FBXL17: variants seen among roughly 807,000 people sequenced by gnomAD.
FBXL17 encodes F-box and leucine rich repeat protein 17, also known as F-box/LRR-repeat protein 17.
FBXL17 carries 22 observed loss-of-function variants against 66.2 expected under a neutral mutation model. That is an observed-to-expected ratio of 0.33 (90% CI 0.24 to 0.47). The LOEUF (loss-of-function observed/expected upper bound fraction) is 0.47. FBXL17 is among the 20% of genes least tolerant of loss of function. FBXL17 has a pLI of 1.00. For missense variants in FBXL17, 878 were observed against 948.2 expected, an observed-to-expected ratio of 0.93 and a Z score of 0.97; for synonymous variants, 474 against 400.5, an observed-to-expected ratio of 1.18 and a Z score of -2.19.
At chr5:108,280,432 G>A (rs138062481) in intron 4 of FBXL17, among the ~76,000 whole-genome samples, 34 of 152,068 alleles carry the variant, frequency 2.2e-4, no homozygotes, top group African/African-American at 6.0e-4. Context: ...CTATTAGACT[G>A]GTTTTACAAG....
rs537008327 is a variant in FBXL17, at chr5:108,223,869, T to C, written c.1614+252A>G. On this transcript the variant is annotated intron_variant, in intron 5 of 8. Transcript: ENST00000542267. ...ATTAACATTTAAATGATTCTTTTCA[T>C]ATATATTTCTTTGATATATATTTCA... Among the ~76,000 whole-genome samples, 10 of 152,322 alleles carry C rather than the reference T, an allele frequency of 6.6e-5. No individual in the cohort carries two copies. In the South Asian group the frequency reaches 2.1e-3, roughly 32 times the overall value.
Position 108,216,457 on chromosome 5 carries a change from TATTTC to T in FBXL17, c.1614+7659_1614+7663del, listed in dbSNP as rs560011580. On this transcript the variant is annotated intron_variant, in intron 5 of 8. Coordinates refer to ENST00000542267, the MANE Select transcript of FBXL17 (RefSeq NM_001163315.3). The stretch of plus-strand genomic sequence containing the variant: ...ATAATGTAAATGAAAGGTTTTCCTT[TATTTC>T]ATTTGCAGATTATTCATTGCCAGCA... Among the ~76,000 whole-genome samples, 374 of 152,320 alleles carry T rather than the reference TATTTC, an allele frequency of 2.5e-3. 1 individual carries two copies. Among genetic ancestry groups the T allele is most frequent in the African/African-American group, 8.4e-3 (349 of 41,576 alleles).
intron 7 of FBXL17, among the ~76,000 whole-genome samples, chr5:107,959,483 C>T (rs1271527727): frequency 2.0e-5 from 3 of 151,754 alleles, no homozygotes; most frequent in Non-Finnish European, 2.9e-5. Flanking sequence ...CCCCACCTGC[C>T]TTCGCCTGGT....
chr5:108,381,032 G>C lies in FBXL17; in HGVS notation c.660C>G (p.Cys220Trp). The change falls in exon 1 of 9, where the codon TGC becomes TGG. Residue 220 changes from cysteine (C) to tryptophan (W), a missense_variant. Physicochemically the swap from Cys to Trp is radical, Grantham distance 215. Coordinates refer to ENST00000542267, the MANE Select transcript of FBXL17 (RefSeq NM_001163315.3). Reference sequence around the variant, plus strand: ...CGCCACCGCCGCCGCCGCCGCCGCCGCAGCCCCCGCCGCCGCAGCGGGGCT... The same window carrying C: ...CGCCACCGCCGCCGCCGCCGCCGCCCCAGCCCCCGCCGCCGCAGCGGGGCT... ...CKQPRCGGGG[C>W]GGGGGGGGGG... 1 of 1,191,210 alleles carries C rather than the reference G, an allele frequency of 8.4e-7. No individual in the cohort carries two copies. Among genetic ancestry groups the C allele is most frequent in the Non-Finnish European group, 1.0e-6 (1 of 962,484 alleles). 73.8% of individuals were successfully genotyped at this position (1,191,210 alleles called of 1,614,324 possible).
chr5:108,343,720 C>T (rs1747055595), intron 4 of FBXL17, among the ~76,000 whole-genome samples: 1 of 152,014 alleles, frequency 6.6e-6, no homozygotes, highest in Non-Finnish European at 1.5e-5. Context: ...ACATGGCTAC[C>T]AATTTTTTCA....
In FBXL17 at chr5:108,262,058, A is replaced by T. The variant is rs34662628; in HGVS notation, c.1507-37830T>A. On this transcript the variant is annotated intron_variant, in intron 4 of 8. Transcript: ENST00000542267. ...GAGAATACAAAGTGATACATATTTTATTTATTTATTTATTTATTTATTTAT... is the reference window on the plus strand; with the variant it reads ...GAGAATACAAAGTGATACATATTTTTTTTATTTATTTATTTATTTATTTAT... Among the ~76,000 whole-genome samples the T allele has an allele frequency of 6.7e-3, 710 of 105,286 alleles. 13 individuals carry two copies. The highest frequency in any genetic ancestry group is 0.011 in the South Asian group (30 of 2,844). 69.1% of individuals were successfully genotyped at this position (105,286 alleles called of 152,430 possible). A position where few individuals can be genotyped will look rare whatever the true frequency, so the allele number is the denominator to read the frequency against.
chr5:108,164,316 T>C (rs975113020), intron 6 of FBXL17, among the ~76,000 whole-genome samples: 1 of 152,166 alleles, frequency 6.6e-6, no homozygotes, highest in Non-Finnish European at 1.5e-5. Context: ...AAAAAACAAG[T>C]AGAACAAACT....
At chr5:108,121,625 C>T (rs1580470783) in intron 6 of FBXL17, among the ~76,000 whole-genome samples, 1 of 151,910 alleles carries the variant, frequency 6.6e-6, no homozygotes, top group South Asian at 2.1e-4. Context: ...GGCACGGTCT[C>T]GGCTCACTGC....
chr5:107,901,181 T>C (rs968037921), intron 7 of FBXL17, among the ~76,000 whole-genome samples: 1 of 152,158 alleles, frequency 6.6e-6, no homozygotes, highest in African/African-American at 2.4e-5. Flanking sequence ...TTATTTGGTA[T>C]TGTGGAAAAG....
intron 6 of FBXL17, among the ~76,000 whole-genome samples, chr5:108,143,734 A>G (rs997097866): frequency 1.1e-4 from 8 of 75,904 alleles, no homozygotes; most frequent in South Asian, 4.8e-4. Flanking sequence ...GGGAAAAAAA[A>G]AAAAAAAAAA....
intron 4 of FBXL17, among the ~76,000 whole-genome samples, chr5:108,321,382 C>T (rs1282077358): frequency 6.6e-6 from 1 of 151,788 alleles, no homozygotes; most frequent in African/African-American, 2.4e-5. Context: ...TTTCCAAGTA[C>T]TGACCAAATC....
intron 7 of FBXL17, among the ~76,000 whole-genome samples, chr5:107,914,946 A>G (rs889383004): frequency 6.6e-6 from 1 of 152,174 alleles, no homozygotes; most frequent in Non-Finnish European, 1.5e-5. Context: ...TGCTGTTTTT[A>G]CTAATTGCAA....
At chr5:107,966,801 A>T (rs962760150) in intron 7 of FBXL17, among the ~76,000 whole-genome samples, 1 of 152,136 alleles carries the variant, frequency 6.6e-6, no homozygotes, top group Non-Finnish European at 1.5e-5. Context: ...CCCCATCATT[A>T]TGAACATTTT....
At chr5:108,114,503 AGTT>A (rs1400260898) in intron 6 of FBXL17, among the ~76,000 whole-genome samples, 7 of 152,232 alleles carry the variant, frequency 4.6e-5, no homozygotes, top group Admixed American at 1.3e-4. Context: ...TGAGAAATAA[AGTT>A]GTTGTGTGTT....
intron 4 of FBXL17, among the ~76,000 whole-genome samples, chr5:108,332,103 T>TA (rs1260634121): frequency 6.6e-6 from 1 of 152,088 alleles, no homozygotes; most frequent in East Asian, 1.9e-4. Flanking sequence ...GAAAGAATGA[T>TA]AAACATAAAA....
chr5:108,146,763 G>A (rs936731052), intron 6 of FBXL17, among the ~76,000 whole-genome samples: 7 of 152,114 alleles, frequency 4.6e-5, no homozygotes, highest in Admixed American at 6.5e-5. Flanking sequence ...TGGGGGTGGG[G>A]ACACTCAAAT....
chr5:108,352,751 C>A (rs186959616), intron 3 of FBXL17, among the ~76,000 whole-genome samples: 8 of 152,224 alleles, frequency 5.3e-5, no homozygotes, highest in Admixed American at 5.2e-4. Context: ...CCTCATGATC[C>A]GCCCGCCTCA....
At position 108,288,197 on chromosome 5, in the gene FBXL17, T is replaced by C. The variant is rs148491111; in HGVS notation, c.1506+60202A>G. On this transcript the variant is annotated intron_variant, in intron 4 of 8. Coordinates refer to ENST00000542267, the MANE Select transcript of FBXL17 (RefSeq NM_001163315.3). ...ATTACTTGGGTGGCAAAATATTCTG[T>C]ACAGCAAACCCCCACAACATGCAAT... Among the ~76,000 whole-genome samples, 396 of 151,658 alleles carry C rather than the reference T, an allele frequency of 2.6e-3. 4 individuals carry two copies. Among genetic ancestry groups the C allele is most frequent in the African/African-American group, 9.1e-3 (378 of 41,384 alleles).
At chr5:108,245,882 GA>G (rs1756073398) in intron 4 of FBXL17, among the ~76,000 whole-genome samples, 2 of 152,158 alleles carry the variant, frequency 1.3e-5, no homozygotes, top group African/African-American at 2.4e-5. Context: ...GTATTTTCAT[GA>G]TAACTCTTCT....
Sources: gnomAD v4.1 joint callset for allele counts (sites outside exome capture counted in the v4.1 genomes callset) on GRCh38, gnomAD v4.1.1 for gene constraint, MANE v1.5 for transcripts, NCBI Gene and HGNC (gene_info 2026-07-23, HGNC 2026-07-21) for gene names.